TTC34: variants seen among roughly 807,000 people sequenced by gnomAD.
TTC34 encodes the protein tetratricopeptide repeat protein 34.
TTC34 carries 44 observed loss-of-function variants against 40.7 expected under a neutral mutation model. The ratio of observed to expected loss-of-function variants is 1.08; its 90% confidence interval spans 0.85 to 1.39. TTC34 has a LOEUF of 1.39. Among genes scored for constraint, TTC34 ranks in the 40% most tolerant of loss-of-function variants. The probability of loss-of-function intolerance (pLI) is 0.00; values close to 1 mark genes in which losing one functional copy is unlikely to be tolerated. For synonymous variants in TTC34, 422 were observed against 398.6 expected (o/e 1.06, Z -0.70); for missense variants, 884 against 838.0 (o/e 1.05, Z -0.68).
chr1:2,790,720 A>T (rs1018688864), intron 2 of TTC34, among the ~76,000 whole-genome samples: 2 of 152,192 alleles, frequency 1.3e-5, no homozygotes, highest in African/African-American at 2.4e-5. Flanking sequence ...GGGTTTTAGG[A>T]TTGAGTTTCC....
chr1:2,751,477 G>T (rs1292126810), intron 6 of TTC34, among the ~76,000 whole-genome samples: 1 of 96,118 alleles, frequency 1.0e-5, no homozygotes, highest in Non-Finnish European at 1.9e-5. Context: ...GACTGGAACT[G>T]CACCCCCATG....
At chr1:2,681,869 A>C (rs1348848391) in intron 6 of TTC34, among the ~76,000 whole-genome samples, 14 of 97,736 alleles carry the variant, frequency 1.4e-4, no homozygotes, top group Non-Finnish European at 2.1e-4. Context: ...CCACACGCCC[A>C]GGTGAGCATC....
intron 8 of TTC34, 38 bp downstream of exon 8, chr1:2,644,226 A>T: frequency 6.6e-7 from 1 of 1,511,816 alleles, no homozygotes; most frequent in Non-Finnish European, 8.9e-7. Context: ...TGTGCTGGGG[A>T]AGGTTGGGGT....
chr1:2,687,571 A>T (rs1247243943), intron 6 of TTC34, among the ~76,000 whole-genome samples: 8 of 136,742 alleles, frequency 5.9e-5, no homozygotes, highest in Non-Finnish European at 1.1e-4. Flanking sequence ...CTGCACCGCC[A>T]GGTGACGATC....
At chr1:2,652,358 ACGCACACC>A (rs1639170106) in intron 6 of TTC34, among the ~76,000 whole-genome samples, 1 of 151,544 alleles carries the variant, frequency 6.6e-6, no homozygotes, top group African/African-American at 2.4e-5. Flanking sequence ...CTGGAACAGC[ACGCACACC>A]CCCAGGTGAG....
At chr1:2,675,528 G>A (rs986318810) in intron 6 of TTC34, among the ~76,000 whole-genome samples, 1 of 129,718 alleles carries the variant, frequency 7.7e-6, no homozygotes, top group Non-Finnish European at 1.7e-5. Context: ...TGCACCCCCA[G>A]GTGCGCACGT....
rs1320149849 is a variant in TTC34, at chr1:2,754,870, C to T, written c.2226+28739G>A. The stretch of plus-strand genomic sequence containing the variant: ...AACAGCACCCACATGCCCAGCTGAG[C>T]CTGTGACAGCCTCGAACAGCACCCT... On this transcript the variant is annotated intron_variant, in intron 6 of 8. Coordinates refer to ENST00000401095, the Ensembl canonical transcript of TTC34. 2.4e-5 allele frequency among the ~76,000 whole-genome samples: 2 copies of T among 83,080 alleles called. 1 individual carries two copies. The highest frequency in any genetic ancestry group is 1.6e-4 in the African/African-American group (2 of 12,390). 54.5% of individuals were successfully genotyped at this position (83,080 alleles called of 152,430 possible).
intron 6 of TTC34, among the ~76,000 whole-genome samples, chr1:2,657,363 T>G (rs4648690): frequency 6.5e-5 from 4 of 61,314 alleles, no homozygotes; most frequent in East Asian, 8.5e-4. Context: ...ATCTGACAAC[T>G]TGGAGCAGCA....
At chr1:2,750,698 C>G (rs1402481288) in intron 6 of TTC34, among the ~76,000 whole-genome samples, 4 of 97,048 alleles carry the variant, frequency 4.1e-5, no homozygotes, top group African/African-American at 1.2e-4. Context: ...CCCAAGTGAG[C>G]ATCCGACAGC....
At chr1:2,655,938 A>AC (rs1639328267) in intron 6 of TTC34, among the ~76,000 whole-genome samples, 1 of 118,688 alleles carries the variant, frequency 8.4e-6, no homozygotes, top group Admixed American at 8.4e-5. Context: ...CCCACAGCCC[A>AC]AGGTGAGCAT....
At chr1:2,784,260 G>A (rs543492139) in intron 5 of TTC34, among the ~76,000 whole-genome samples, 125 of 152,282 alleles carry the variant, frequency 8.2e-4, no homozygotes, top group Non-Finnish European at 1.4e-3. Flanking sequence ...GGTGGCATAC[G>A]TCAGCGTTTT....
chr1:2,751,704 G>A (rs1641326258), intron 6 of TTC34, among the ~76,000 whole-genome samples: 5 of 149,846 alleles, frequency 3.3e-5, no homozygotes, highest in African/African-American at 5.0e-5. Flanking sequence ...GCGAGCATCC[G>A]ACAGCCTGGA....
intron 6 of TTC34, among the ~76,000 whole-genome samples, chr1:2,685,237 A>AC (rs1553155469): frequency 2.0e-3 from 54 of 26,352 alleles, no homozygotes; most frequent in East Asian, 5.5e-3. Context: ...CAGCACCCAC[A>AC]CCCCAGGTGA....
intron 6 of TTC34, among the ~76,000 whole-genome samples, chr1:2,699,074 CGGAGCAGCG>C (rs1641005343): frequency 4.8e-5 from 1 of 20,890 alleles, no homozygotes. Context: ...TCGGAGAGTC[CGGAGCAGCG>C]CCCACACACC....
At position 2,751,409 on chromosome 1, in the gene TTC34, A is replaced by AC. The variant is rs1641314779; in HGVS notation, c.2226+32199dup. ...ATGGTCTGGAGCAGCACCCACACACACAGGTGGGCATCTGACAGCCTGGAA... is the reference window on the plus strand; with the variant it reads ...ATGGTCTGGAGCAGCACCCACACACACCAGGTGGGCATCTGACAGCCTGGAA... On this transcript the variant is annotated intron_variant, in intron 6 of 8. Coordinates refer to ENST00000401095, the Ensembl canonical transcript of TTC34. 1.9e-5 allele frequency among the ~76,000 whole-genome samples: 2 copies of AC among 105,998 alleles called. 1 individual carries two copies. The highest frequency in any genetic ancestry group is 6.2e-4 in the East Asian group (2 of 3,204). 69.5% of individuals were successfully genotyped at this position (105,998 alleles called of 152,430 possible).
intron 6 of TTC34, among the ~76,000 whole-genome samples, chr1:2,779,116 T>C (rs1450958653): frequency 6.6e-6 from 1 of 152,226 alleles, no homozygotes; most frequent in Non-Finnish European, 1.5e-5. Flanking sequence ...TTTTTAATGT[T>C]GAATAATTCC....
intron 7 of TTC34, 85 bp from the exon 8 acceptor site, chr1:2,644,563 T>G: frequency 1.5e-6 from 2 of 1,354,018 alleles, no homozygotes; most frequent in South Asian, 2.7e-5. Flanking sequence ...GCTCCTTCCC[T>G]GCCCTGTGCT....
At chr1:2,641,994 C>T (rs1638917730) in intron 8 of TTC34, 99 bp from the exon 9 acceptor site, 1 of 1,294,764 alleles carries the variant, frequency 7.7e-7, no homozygotes, top group East Asian at 2.7e-5. Flanking sequence ...CCAGCTTCTG[C>T]TGGCTCCCTG....
At chr1:2,765,760 A>G (rs1641770666) in intron 6 of TTC34, among the ~76,000 whole-genome samples, 1 of 42,530 alleles carries the variant, frequency 2.4e-5, no homozygotes, top group African/African-American at 2.7e-4. Flanking sequence ...CCACACCCCC[A>G]GGTGAGCATG....
Sources: gnomAD v4.1 joint callset for allele counts (sites outside exome capture counted in the v4.1 genomes callset) on GRCh38, gnomAD v4.1.1 for gene constraint, MANE v1.5 for transcripts, NCBI Gene and HGNC (gene_info 2026-07-23, HGNC 2026-07-21) for gene names.